The following CREBRF variants were observed in gnomAD, a reference collection of about 807,000 sequenced individuals.
The protein encoded by CREBRF is CREB3 regulatory factor.
Under a neutral mutation model 66.1 loss-of-function variants are expected in CREBRF, and 5 were observed. The observed-to-expected ratio is 0.08, with a 90% CI of 0.04 to 0.16. The LOEUF is 0.16. CREBRF is among the 10% of genes least tolerant of loss of function. The probability of loss-of-function intolerance (pLI) is 1.00; values close to 1 mark genes in which losing one functional copy is unlikely to be tolerated. For synonymous variants in CREBRF, 229 were observed against 264.4 expected, an observed-to-expected ratio of 0.87 and a Z score of 1.30; for missense variants, 531 against 744.9, an observed-to-expected ratio of 0.71 and a Z score of 3.34.
At chr5:173,093,323 C>T (rs1758396319) in intron 4 of CREBRF, among the ~76,000 whole-genome samples, 1 of 152,058 alleles carries the variant, frequency 6.6e-6, no homozygotes, top group Non-Finnish European at 1.5e-5. Flanking sequence ...TTGACTTTTT[C>T]CCCCCAGCTT....
chr5:173,127,019 A>G (rs1759290256), intron 8 of CREBRF, among the ~76,000 whole-genome samples: 3 of 152,158 alleles, frequency 2.0e-5, no homozygotes, highest in South Asian at 2.1e-4. Flanking sequence ...CAAGGCTTCA[A>G]TGAGCAGGGT....
intron 1 of CREBRF, among the ~76,000 whole-genome samples, chr5:173,075,641 A>G (rs1277181440): frequency 1.3e-5 from 2 of 152,118 alleles, no homozygotes; most frequent in Non-Finnish European, 2.9e-5. Flanking sequence ...TTCTTGCCAA[A>G]CAAGGGAGTC....
chr5:173,124,156 C>G (rs1302514660), intron 8 of CREBRF: 1 of 152,140 alleles, frequency 6.6e-6, no homozygotes, highest in African/African-American at 2.4e-5. Flanking sequence ...CTCCTTTACA[C>G]TTGAAAGTCA....
intron 3 of CREBRF, 113 bp downstream of exon 3, chr5:173,086,739 T>G: frequency 2.5e-6 from 2 of 792,486 alleles, no homozygotes; most frequent in South Asian, 4.4e-5. Context: ...CCAAGTTTGA[T>G]TCTTATGATT....
intron 1 of CREBRF, among the ~76,000 whole-genome samples, chr5:173,075,268 A>G (rs114091181): frequency 1.9e-4 from 29 of 152,334 alleles, no homozygotes; most frequent in African/African-American, 6.3e-4. Flanking sequence ...GAGAACTGCT[A>G]TCAAAGGGTA....
chr5:173,119,694 A>G (rs989651219), intron 7 of CREBRF, among the ~76,000 whole-genome samples: 17 of 152,150 alleles, frequency 1.1e-4, no homozygotes, highest in Non-Finnish European at 2.2e-4. Context: ...CTTGTTTACA[A>G]TCTCAGGGGA....
At chr5:173,117,579 CTCCTTCCT>C (rs1186370279) in intron 7 of CREBRF, among the ~76,000 whole-genome samples, 1 of 39,634 alleles carries the variant, frequency 2.5e-5, no homozygotes, top group African/African-American at 7.4e-5. Context: ...CCCTCCCTCC[CTCCTTCCT>C]TCCTTCCTTC....
chr5:173,124,432 C>T, intron 8 of CREBRF: 1 of 152,154 alleles, frequency 6.6e-6, no homozygotes, highest in Non-Finnish European at 1.5e-5. Flanking sequence ...GTGGCAGGTG[C>T]CTGTAATCCC....
At chr5:173,069,360 G>A (rs554471062) in intron 1 of CREBRF, among the ~76,000 whole-genome samples, 1 of 151,046 alleles carries the variant, frequency 6.6e-6, no homozygotes, top group Non-Finnish European at 1.5e-5. Context: ...TTTTTTTTGA[G>A]ACAGAGTCTC....
At chr5:173,088,405 C>G (rs1320472466) in intron 3 of CREBRF, among the ~76,000 whole-genome samples, 1 of 135,600 alleles carries the variant, frequency 7.4e-6, no homozygotes. Context: ...AGGAGAATTG[C>G]TTGAACCTGG....
chr5:173,084,429 C>G (rs971497057), intron 2 of CREBRF, among the ~76,000 whole-genome samples: 1 of 152,102 alleles, frequency 6.6e-6, no homozygotes, highest in African/African-American at 2.4e-5. Flanking sequence ...CATAAGCATG[C>G]CTTGCTTTTA....
intron 1 of CREBRF, among the ~76,000 whole-genome samples, chr5:173,070,724 T>TA (rs1757574314): frequency 6.6e-6 from 1 of 152,182 alleles, no homozygotes; most frequent in South Asian, 2.1e-4. Flanking sequence ...TACTATATGA[T>TA]ACTACAGTGG....
rs552768865 is a variant in CREBRF, at chr5:173,136,714, T to C, written c.*2969T>C. The C allele has an allele frequency of 1.3e-5, 2 of 152,478 alleles. No individual in the cohort carries two copies. Among genetic ancestry groups the C allele is most frequent in the African/African-American group, 2.4e-5 (1 of 41,444 alleles). 9.4% of individuals were successfully genotyped at this position (152,478 alleles called of 1,614,324 possible). A position where few individuals can be genotyped will look rare whatever the true frequency, so the allele number is the denominator to read the frequency against. ...TAGTGTATCACACAAACCAATCTTA[T>C]AAGGGTAATGTAAAAACCCCAACAA... On this transcript the variant is annotated 3_prime_UTR_variant, in exon 9 of 9. Coordinates refer to ENST00000296953, the MANE Select transcript of CREBRF (RefSeq NM_153607.3).
intron 8 of CREBRF, among the ~76,000 whole-genome samples, chr5:173,126,442 G>T (rs1759276909): frequency 6.6e-6 from 1 of 152,026 alleles, no homozygotes. Context: ...CACCTGGCCA[G>T]TTTTTTTTGT....
At chr5:173,060,723 CT>C (rs756443330) in intron 1 of CREBRF, among the ~76,000 whole-genome samples, 610 of 135,430 alleles carry the variant, frequency 4.5e-3, no homozygotes, top group Non-Finnish European at 4.4e-3. Context: ...GGTTGACAGA[CT>C]TTTTTTTTTT....
intron 1 of CREBRF, among the ~76,000 whole-genome samples, chr5:173,077,272 C>G (rs1180875930): frequency 6.6e-6 from 1 of 151,836 alleles, no homozygotes; most frequent in Non-Finnish European, 1.5e-5. Context: ...ACCTAAAAAA[C>G]GTAAAAAAAA....
chr5:173,071,887 T>TAA (rs1174395837), intron 1 of CREBRF, among the ~76,000 whole-genome samples: 1 of 146,810 alleles, frequency 6.8e-6, no homozygotes, highest in Non-Finnish European at 1.5e-5. Flanking sequence ...AAACCCTCTC[T>TAA]AAAAAAAAAA....
Position 173,136,295 on chromosome 5 carries a change from CT to C in CREBRF, c.*2551del, listed in dbSNP as rs1759587033. 1 of 151,200 alleles carries C rather than the reference CT, an allele frequency of 6.6e-6. No individual in the cohort carries two copies. Among genetic ancestry groups the C allele is most frequent in the Non-Finnish European group, 1.5e-5 (1 of 67,710 alleles). The allele number at this position is 151,200 out of a possible 1,614,324, so 9.4% of individuals were successfully genotyped here. On this transcript the variant is annotated 3_prime_UTR_variant, in exon 9 of 9. Transcript: ENST00000296953. ...TTTGAGTTTCAGTGTTTTATATGTACTACTTAAGTTAAATAGTTAAAAGCTT... is the reference window on the plus strand; with the variant it reads ...TTTGAGTTTCAGTGTTTTATATGTACACTTAAGTTAAATAGTTAAAAGCTT...
chr5:173,082,920 A>AAC (rs1758004562), intron 2 of CREBRF, among the ~76,000 whole-genome samples: 1 of 122,088 alleles, frequency 8.2e-6, no homozygotes, highest in Non-Finnish European at 1.8e-5. Context: ...AAAAAAAAAA[A>AAC]AAAAAAAAAA....
Sources: gnomAD v4.1 joint callset for allele counts (sites outside exome capture counted in the v4.1 genomes callset) on GRCh38, gnomAD v4.1.1 for gene constraint, MANE v1.5 for transcripts, NCBI Gene and HGNC (gene_info 2026-07-23, HGNC 2026-07-21) for gene names.